CACNA1C: variants seen among roughly 807,000 people sequenced by gnomAD.
The protein encoded by CACNA1C is voltage-dependent L-type calcium channel subunit alpha-1C.
A neutral mutation model predicts 229.0 loss-of-function variants in CACNA1C; 30 were observed. That is an observed-to-expected ratio of 0.13 (90% CI 0.10 to 0.18). CACNA1C has a LOEUF of 0.18. CACNA1C is among the 10% of genes least tolerant of loss of function. The pLI, the probability that CACNA1C is intolerant of heterozygous loss-of-function variation, is 1.00. For missense variants in CACNA1C, 1,658 were observed against 2,845.0 expected (o/e 0.58, Z 9.49); for synonymous variants, 1,114 against 1,132.5 (o/e 0.98, Z 0.33).
chr12:1,986,684 G>A (rs754268937), intron 1 of CACNA1C, among the ~76,000 whole-genome samples: 6 of 151,424 alleles, frequency 4.0e-5, no homozygotes, highest in East Asian at 3.9e-4. Flanking sequence ...TTTTCCTAGC[G>A]TTCTGTGACT....
At chr12:2,021,048 TG>T (rs567686887) in intron 1 of CACNA1C, among the ~76,000 whole-genome samples, 173 of 152,340 alleles carry the variant, frequency 1.1e-3, no homozygotes, top group Non-Finnish European at 1.9e-3. Flanking sequence ...TTTTCCCTAA[TG>T]GTAAAATTAT....
intron 29 of CACNA1C, among the ~76,000 whole-genome samples, chr12:2,631,548 C>T (rs1016901599): frequency 2.0e-5 from 3 of 152,218 alleles, no homozygotes; most frequent in African/African-American, 7.2e-5. Context: ...TCACTATTCT[C>T]CTTTTGCCCT....
At chr12:2,416,179 T>C (rs993278116) in intron 3 of CACNA1C, among the ~76,000 whole-genome samples, 3 of 152,152 alleles carry the variant, frequency 2.0e-5, no homozygotes, top group African/African-American at 7.2e-5. Flanking sequence ...AAGGTCTTAT[T>C]TGTTCACTCA....
intron 5 of CACNA1C, among the ~76,000 whole-genome samples, chr12:2,471,893 C>A: frequency 6.6e-6 from 1 of 152,204 alleles, no homozygotes; most frequent in East Asian, 1.9e-4. Flanking sequence ...CTTGGCCAGG[C>A]TGGCCTTGAA....
intron 3 of CACNA1C, among the ~76,000 whole-genome samples, chr12:2,417,241 C>T (rs371356050): frequency 2.6e-5 from 4 of 152,214 alleles, no homozygotes; most frequent in Admixed American, 6.5e-5. Context: ...CTCTGCGATG[C>T]GGGTTGTATC....
chr12:2,155,967 A>AT (rs1303531510), intron 3 of CACNA1C, among the ~76,000 whole-genome samples: 1 of 152,122 alleles, frequency 6.6e-6, no homozygotes, highest in Non-Finnish European at 1.5e-5. Context: ...GTTATAAAGC[A>AT]TTTTTCCTTA....
intron 1 of CACNA1C, among the ~76,000 whole-genome samples, chr12:2,095,750 A>AGG (rs2073651351): frequency 6.6e-6 from 1 of 152,164 alleles, no homozygotes; most frequent in South Asian, 2.1e-4. Context: ...CCCACAGAAG[A>AGG]GGAGAGTGCA....
chr12:2,040,782 G>T (rs558406083), intron 1 of CACNA1C, among the ~76,000 whole-genome samples: 4 of 152,316 alleles, frequency 2.6e-5, no homozygotes, highest in African/African-American at 9.6e-5. Context: ...TAAGTACCCT[G>T]CTATGTCTAT....
chr12:2,363,810 A>G (rs1371085851), intron 3 of CACNA1C, among the ~76,000 whole-genome samples: 1 of 152,184 alleles, frequency 6.6e-6, no homozygotes, highest in Non-Finnish European at 1.5e-5. Flanking sequence ...GGGGACGGTA[A>G]AGAATACCTC....
intron 3 of CACNA1C, among the ~76,000 whole-genome samples, chr12:2,332,160 A>G (rs2051992): frequency 0.22 from 33,823 of 152,048 alleles, 5,990 homozygotes; most frequent in African/African-American, 0.5. Context: ...AGATGATTCC[A>G]AAAAAATATA....
chr12:2,035,023 G>C (rs1413511562), intron 1 of CACNA1C, among the ~76,000 whole-genome samples: 1 of 152,224 alleles, frequency 6.6e-6, no homozygotes, highest in Non-Finnish European at 1.5e-5. Flanking sequence ...GCCGACGCCG[G>C]TTCAGAGCCG....
Position 2,120,447 on chromosome 12 carries a change from C to G in CACNA1C, c.477+17C>G. 4 of 1,340,182 alleles carry G rather than the reference C, an allele frequency of 3.0e-6. No homozygotes were observed. Among genetic ancestry groups the G allele is most frequent in the Non-Finnish European group, 4.3e-6 (4 of 930,058 alleles). 83.0% of individuals were successfully genotyped at this position (1,340,182 alleles called of 1,614,324 possible). A position where few individuals can be genotyped will look rare whatever the true frequency, so the allele number is the denominator to read the frequency against. On this transcript the variant is annotated intron_variant, in intron 3 of 46. Transcript: ENST00000399655. Reference sequence around the variant, plus strand: ...TCCAACCTGGTAAGTCCACCATCCTCAAGTCTCTGCTTTTTCACTCGATGG... The same window carrying G: ...TCCAACCTGGTAAGTCCACCATCCTGAAGTCTCTGCTTTTTCACTCGATGG...
At chr12:2,621,407 C>T (rs1035440617) in intron 29 of CACNA1C, among the ~76,000 whole-genome samples, 1 of 152,142 alleles carries the variant, frequency 6.6e-6, no homozygotes, top group East Asian at 1.9e-4. Flanking sequence ...AAGCTCAGCT[C>T]GCTCTGGAAA....
At chr12:2,350,488 C>G (rs968453313) in intron 3 of CACNA1C, among the ~76,000 whole-genome samples, 4 of 152,334 alleles carry the variant, frequency 2.6e-5, no homozygotes, top group Admixed American at 2.6e-4. Flanking sequence ...CTGTCTCTTT[C>G]ATCTCTAAGC....
At position 2,115,272 on chromosome 12, in the gene CACNA1C, A is replaced by T; in HGVS notation, c.98A>T (p.Asn33Ile). 1 of 1,592,082 alleles carries T rather than the reference A, an allele frequency of 6.3e-7. No homozygotes were observed. Among genetic ancestry groups the T allele is most frequent in the South Asian group, 1.1e-5 (1 of 88,292 alleles). Reference sequence around the variant, plus strand: ...CCCGCCCATGCCAACATGAATGCCAATGCGGCAGCGGGGCTGGCCCCTGAG... The same window carrying T: ...CCCGCCCATGCCAACATGAATGCCATTGCGGCAGCGGGGCTGGCCCCTGAG... ...PRPAHANMNA[N>I]AAAGLAPEHI... The change falls in exon 2 of 47, where the codon AAT becomes ATT. Residue 33 changes from asparagine to isoleucine, a missense_variant. Physicochemically the swap from Asn to Ile is moderately radical, Grantham distance 149. Coordinates refer to ENST00000399655, the MANE Select transcript of CACNA1C (RefSeq NM_000719.7).
In CACNA1C at chr12:2,691,110, G is replaced by C; in HGVS notation, c.6328G>C (p.Gly2110Arg). 6.2e-7 allele frequency: 1 copy of C among 1,612,220 alleles called. No homozygotes were observed. The highest frequency in any genetic ancestry group is 8.5e-7 in the Non-Finnish European group (1 of 1,178,952). Residue 2110 changes from glycine (G) to arginine (R), a missense_variant, in exon 47 of 47, where the codon GGC (glycine) becomes CGC (arginine). Gly to Arg is a moderately radical substitution (Grantham distance 125). Around this residue, in one of 20 missense-constraint regions of CACNA1C, gnomAD observed 590 missense variants for 700.8 expected, o/e 0.84. Transcript: ENST00000399655. Reference protein sequence around the residue: ...CRDAGQDRAGGEEDAGCVRAR... With the variant: ...CRDAGQDRAGREEDAGCVRAR... ...GGACGCGGGGCAGGACCGAGCCGGG[G>C]GCGAAGAGGACGCGGGCTGTGTGCG...
intron 3 of CACNA1C, among the ~76,000 whole-genome samples, chr12:2,296,429 C>T (rs2094048029): frequency 6.6e-6 from 1 of 152,164 alleles, no homozygotes; most frequent in African/African-American, 2.4e-5. Context: ...CTGGGGGAGT[C>T]CAAGATCATT....
chr12:2,617,306 GC>G (rs1373471624), intron 29 of CACNA1C, among the ~76,000 whole-genome samples: 1 of 152,190 alleles, frequency 6.6e-6, no homozygotes, highest in Non-Finnish European at 1.5e-5. Context: ...CTCTCTTGGG[GC>G]CACTCTTCAT....
At chr12:2,300,355 C>T (rs2154472674) in intron 3 of CACNA1C, among the ~76,000 whole-genome samples, 1 of 152,316 alleles carries the variant, frequency 6.6e-6, no homozygotes, top group African/African-American at 2.4e-5. Flanking sequence ...GCGGGCGGCT[C>T]ATGCCTGTAA....
Sources: allele counts gnomAD v4.1 joint callset (sites outside exome capture counted in the v4.1 genomes callset), GRCh38; gene constraint gnomAD v4.1.1; regional missense constraint gnomAD v4.1.1; transcripts MANE v1.5; gene names NCBI Gene and HGNC (gene_info 2026-07-23, HGNC 2026-07-21).